PCSK5: variants seen among roughly 807,000 people sequenced by gnomAD.
The protein encoded by PCSK5 is prohormone convertase 5.
Under a neutral mutation model 233.2 loss-of-function variants are expected in PCSK5, and 129 were observed. The ratio of observed to expected loss-of-function variants is 0.55; its 90% CI spans 0.48 to 0.64. PCSK5 has a LOEUF of 0.64. PCSK5 is among the 30% of genes least tolerant of loss of function. PCSK5 has a pLI of 0.00. For synonymous variants in PCSK5, 825 were observed against 879.2 expected, an observed-to-expected ratio of 0.94 and a Z score of 1.09; for missense variants, 2,076 against 2,430.1, an observed-to-expected ratio of 0.85 and a Z score of 3.06.
chr9:75,947,865 AG>A (rs1415013243), intron 2 of PCSK5, among the ~76,000 whole-genome samples: 1 of 152,304 alleles, frequency 6.6e-6, no homozygotes. Flanking sequence ...TTTTAGAGAC[AG>A]GGCCTCATTC....
intron 14 of PCSK5, 170 bp downstream of exon 14, chr9:76,175,299 A>C (rs779565452): frequency 1.7e-6 from 1 of 601,260 alleles, no homozygotes; most frequent in African/African-American, 2.0e-5. Context: ...ATCGAATAGA[A>C]TAGAATAGAA....
At chr9:75,903,522 T>TA in intron 1 of PCSK5, among the ~76,000 whole-genome samples, 1 of 146,858 alleles carries the variant, frequency 6.8e-6, no homozygotes, top group Non-Finnish European at 1.5e-5. Context: ...ACTGTTTATA[T>TA]TCTGTCTCTC....
chr9:75,958,133 G>A (rs1825176191), intron 2 of PCSK5, among the ~76,000 whole-genome samples: 1 of 152,160 alleles, frequency 6.6e-6, no homozygotes, highest in Non-Finnish European at 1.5e-5. Flanking sequence ...AAACCACTTT[G>A]TAAACATGAA....
intron 20 of PCSK5, among the ~76,000 whole-genome samples, chr9:76,197,315 CCA>C (rs1346642313): frequency 6.6e-6 from 1 of 152,170 alleles, no homozygotes; most frequent in Non-Finnish European, 1.5e-5. Context: ...ACTTTCCACT[CCA>C]GTTATCAGAG....
chr9:75,950,278 ATTAAAT>A (rs1346808942), intron 2 of PCSK5, among the ~76,000 whole-genome samples: 1 of 151,952 alleles, frequency 6.6e-6, no homozygotes, highest in Non-Finnish European at 1.5e-5. Flanking sequence ...AACAAGAGAT[ATTAAAT>A]TTGGATCAAA....
intron 12 of PCSK5, among the ~76,000 whole-genome samples, chr9:76,164,102 T>C (rs1822988950): frequency 6.6e-6 from 1 of 151,902 alleles, no homozygotes. Flanking sequence ...ATGTAGTGTT[T>C]ATGCTTCAGT....
intron 12 of PCSK5, among the ~76,000 whole-genome samples, chr9:76,161,749 T>C (rs1237228640): frequency 6.6e-6 from 1 of 152,230 alleles, no homozygotes; most frequent in African/African-American, 2.4e-5. Context: ...TGGATTGCAG[T>C]GTTGCTGGCT....
intron 2 of PCSK5, among the ~76,000 whole-genome samples, chr9:75,983,707 G>A (rs1273384026): frequency 6.6e-6 from 1 of 152,150 alleles, no homozygotes; most frequent in African/African-American, 2.4e-5. Flanking sequence ...CTTCTCTTAG[G>A]CTGACCATAG....
intron 12 of PCSK5, among the ~76,000 whole-genome samples, chr9:76,163,589 C>G (rs1822962168): frequency 6.6e-6 from 1 of 152,184 alleles, no homozygotes; most frequent in Non-Finnish European, 1.5e-5. Flanking sequence ...TTGGTTCTCC[C>G]CTTGGCCTGT....
intron 32 of PCSK5, among the ~76,000 whole-genome samples, chr9:76,325,349 T>G (rs1036833649): frequency 3.9e-5 from 6 of 152,154 alleles, no homozygotes; most frequent in Non-Finnish European, 8.8e-5. Flanking sequence ...TTTTCTTAAT[T>G]TATCTGATTT....
chr9:75,962,099 A>G (rs1049868332), intron 2 of PCSK5, among the ~76,000 whole-genome samples: 1 of 136,482 alleles, frequency 7.3e-6, no homozygotes, highest in Non-Finnish European at 1.5e-5. Flanking sequence ...ACTAGAAGGC[A>G]GGTCTGCAGG....
At chr9:75,908,875 T>TTATCTATCTACC (rs1822537641) in intron 1 of PCSK5, among the ~76,000 whole-genome samples, 1 of 116,034 alleles carries the variant, frequency 8.6e-6, no homozygotes, top group Non-Finnish European at 1.7e-5. Context: ...CTCTTTCTAT[T>TTATCTATCTACC]TATCTATCTA....
At chr9:76,105,632 C>A (rs371055832) in intron 8 of PCSK5, among the ~76,000 whole-genome samples, 1 of 152,308 alleles carries the variant, frequency 6.6e-6, no homozygotes, top group East Asian at 1.9e-4. Context: ...CCCAAACATC[C>A]TGCAAGCATC....
At chr9:76,357,503 A>G (rs1036622960) in intron 37 of PCSK5, among the ~76,000 whole-genome samples, 6 of 152,004 alleles carry the variant, frequency 3.9e-5, no homozygotes, top group Non-Finnish European at 4.4e-5. Context: ...TGGGTGACAG[A>G]GCGAGACTCC....
chr9:76,334,592 A>G (rs940624071), intron 34 of PCSK5, among the ~76,000 whole-genome samples: 5 of 152,098 alleles, frequency 3.3e-5, no homozygotes, highest in Non-Finnish European at 4.4e-5. Flanking sequence ...CTAGCCAGGC[A>G]TGGTGGCACG....
At chr9:76,352,574 C>T (rs1306000526) in intron 36 of PCSK5, among the ~76,000 whole-genome samples, 1 of 151,820 alleles carries the variant, frequency 6.6e-6, no homozygotes, top group Non-Finnish European at 1.5e-5. Flanking sequence ...CACCATGTTG[C>T]CCAGGCTGGT....
chr9:76,113,911 A>G (rs1365313610), intron 9 of PCSK5, among the ~76,000 whole-genome samples: 1 of 152,162 alleles, frequency 6.6e-6, no homozygotes, highest in Non-Finnish European at 1.5e-5. Context: ...TGCAGAGGGC[A>G]TACCAAGCTT....
chr9:76,064,547 G>A (rs574037799), intron 5 of PCSK5, among the ~76,000 whole-genome samples: 1 of 150,054 alleles, frequency 6.7e-6, no homozygotes, highest in East Asian at 2.0e-4. Context: ...GGTGGCTGCC[G>A]GGCGGAGACG....
intron 3 of PCSK5, among the ~76,000 whole-genome samples, chr9:75,991,316 T>A (rs1826759648): frequency 6.6e-6 from 1 of 152,156 alleles, no homozygotes; most frequent in Non-Finnish European, 1.5e-5. Context: ...GAATTTGTAT[T>A]TCTGGCGAGT....
Sources: gnomAD v4.1 joint callset for allele counts (sites outside exome capture counted in the v4.1 genomes callset) on GRCh38, gnomAD v4.1.1 for gene constraint, MANE v1.5 for transcripts, NCBI Gene and HGNC (gene_info 2026-07-23, HGNC 2026-07-21) for gene names.